SPESP1: variants seen among roughly 807,000 people sequenced by gnomAD.
The protein encoded by SPESP1 is sperm equatorial segment protein 1.
A neutral mutation model predicts 3.1 loss-of-function variants in SPESP1; 1 was observed. That is an observed-to-expected ratio of 0.33 (90% CI 0.12 to 1.54). SPESP1 has a LOEUF of 1.54. Among genes scored for constraint, SPESP1 ranks in the 40% most tolerant of loss-of-function variants. SPESP1 has a pLI of 0.38. For synonymous variants in SPESP1, 138 were observed against 150.7 expected (o/e 0.92, Z 0.62); for missense variants, 398 against 410.1 (o/e 0.97, Z 0.26).
At chr15:68,938,915 TC>T (rs1235082271) in intron 1 of SPESP1, among the ~76,000 whole-genome samples, 2 of 150,168 alleles carry the variant, frequency 1.3e-5, no homozygotes, top group African/African-American at 5.1e-5. Flanking sequence ...CACATAGTGA[TC>T]ATTCAATCAG....
Position 68,946,419 on chromosome 15 carries a change from C to A in SPESP1, c.885C>A (p.Asp295Glu). 6.2e-7 allele frequency: 1 copy of A among 1,613,994 alleles called. No individual in the cohort carries two copies. Among genetic ancestry groups the A allele is most frequent in the Non-Finnish European group, 8.5e-7 (1 of 1,179,978 alleles). ...PVGRTSNKID[D>E]IETVINMLCN... ...GACGAACAAGTAATAAAATTGATGA[C>A]ATCGAAACTGTTATTAACATGCTGT... The change falls in exon 2 of 2, where the codon GAC becomes GAA. Residue 295 changes from aspartate to glutamate, a missense_variant. Physicochemically the swap from Asp to Glu is conservative, Grantham distance 45. Transcript: ENST00000310673.
chr15:68,931,250 C>T (rs1247884432), intron 1 of SPESP1, among the ~76,000 whole-genome samples: 10 of 133,610 alleles, frequency 7.5e-5, no homozygotes, highest in Admixed American at 4.6e-4. Flanking sequence ...CCCCACCCCA[C>T]GGCAGGCCCT....
chr15:68,937,647 G>C (rs989399012), intron 1 of SPESP1, among the ~76,000 whole-genome samples: 2 of 152,110 alleles, frequency 1.3e-5, no homozygotes, highest in African/African-American at 4.8e-5. Flanking sequence ...GGTGGTGTGT[G>C]TTCTCCAGGG....
chr15:68,942,996 TA>T (rs1466154552), intron 1 of SPESP1, among the ~76,000 whole-genome samples: 1 of 152,036 alleles, frequency 6.6e-6, no homozygotes, highest in South Asian at 2.1e-4. Context: ...GGTTTGCCAT[TA>T]AAAAATAAAG....
At chr15:68,942,169 C>CTTTTTTTTTTTTTTTTTT (rs778249415) in intron 1 of SPESP1, among the ~76,000 whole-genome samples, 11 of 142,866 alleles carry the variant, frequency 7.7e-5, no homozygotes, top group African/African-American at 2.4e-4. Context: ...CATCTTATTT[C>CTTTTTTTTTTTTTTTTTT]TTTTTTTTTT....
chr15:68,944,103 A>C (rs59898332), intron 1 of SPESP1, among the ~76,000 whole-genome samples: 2 of 152,288 alleles, frequency 1.3e-5, no homozygotes, highest in African/African-American at 4.8e-5. Context: ...TCCCTGAATT[A>C]AATCAATTTG....
intron 1 of SPESP1, among the ~76,000 whole-genome samples, chr15:68,944,327 T>G (rs1895904029): frequency 6.8e-6 from 1 of 147,510 alleles, no homozygotes; most frequent in South Asian, 2.1e-4. Context: ...TTTTTTTTTT[T>G]GCTTATCAAA....
At chr15:68,932,718 T>C (rs1401931967) in intron 1 of SPESP1, among the ~76,000 whole-genome samples, 1 of 152,134 alleles carries the variant, frequency 6.6e-6, no homozygotes, top group Non-Finnish European at 1.5e-5. Flanking sequence ...TAGCACCCTA[T>C]TCCCTAATCT....
At chr15:68,943,855 T>C (rs1895891621) in intron 1 of SPESP1, among the ~76,000 whole-genome samples, 1 of 152,172 alleles carries the variant, frequency 6.6e-6, no homozygotes, top group Admixed American at 6.6e-5. Flanking sequence ...AAAAGAATTT[T>C]TTAAGATTTA....
At chr15:68,938,083 C>T (rs944817517) in intron 1 of SPESP1, among the ~76,000 whole-genome samples, 1 of 152,094 alleles carries the variant, frequency 6.6e-6, no homozygotes, top group East Asian at 1.9e-4. Context: ...TGGGTTCAAG[C>T]GATTCTCCTG....
intron 1 of SPESP1, among the ~76,000 whole-genome samples, chr15:68,942,384 T>C (rs1462983856): frequency 6.6e-6 from 1 of 152,118 alleles, no homozygotes; most frequent in Non-Finnish European, 1.5e-5. Flanking sequence ...GTAAACATAG[T>C]TTTACCTCTT....
intron 1 of SPESP1, among the ~76,000 whole-genome samples, chr15:68,933,978 A>C (rs934732901): frequency 2.0e-5 from 3 of 152,068 alleles, no homozygotes; most frequent in Non-Finnish European, 2.9e-5. Context: ...AAGTCATCAA[A>C]TATTCATGGG....
Position 68,946,068 on chromosome 15 carries a change from G to A in SPESP1, c.534G>A (p.Lys178=). The A allele has an allele frequency of 6.2e-7, 1 of 1,614,124 alleles. No individual in the cohort carries two copies. Among genetic ancestry groups the A allele is most frequent in the Non-Finnish European group, 8.5e-7 (1 of 1,180,018 alleles). Residue 178 remains lysine, a synonymous_variant, in exon 2 of 2, where the codon AAG becomes AAA. Coordinates refer to ENST00000310673, the MANE Select transcript of SPESP1 (RefSeq NM_145658.4). Reference sequence around the variant, plus strand: ...CAAGTCCATATGTTACCTCATACAAGTCACCTGTCACCACTTTAGATAAGA... The same window carrying A: ...CAAGTCCATATGTTACCTCATACAAATCACCTGTCACCACTTTAGATAAGA... ...SSTSPYVTSY[K]SPVTTLDKST... is the part of the protein sequence containing the mutation.
At chr15:68,936,376 G>A (rs1216737270) in intron 1 of SPESP1, among the ~76,000 whole-genome samples, 1 of 152,130 alleles carries the variant, frequency 6.6e-6, no homozygotes, top group African/African-American at 2.4e-5. Flanking sequence ...ATATTATTTG[G>A]CCATAAAAAT....
chr15:68,946,634 C>A lies in SPESP1; in HGVS notation c.*47C>A. 1 of 1,361,898 alleles carries A rather than the reference C, an allele frequency of 7.3e-7. No individual in the cohort carries two copies. The highest frequency in any genetic ancestry group is 3.2e-5 in the Admixed American group (1 of 30,906). 84.4% of individuals were successfully genotyped at this position (1,361,898 alleles called of 1,614,324 possible). ...ACCTACTTGATATTCCATAACAAAG[C>A]TGATTTAAGCAAACTGCATTTTTTC... On this transcript the variant is annotated 3_prime_UTR_variant, in exon 2 of 2. Coordinates refer to ENST00000310673, the MANE Select transcript of SPESP1 (RefSeq NM_145658.4).
At chr15:68,935,694 T>G (rs1895664923) in intron 1 of SPESP1, among the ~76,000 whole-genome samples, 5 of 152,268 alleles carry the variant, frequency 3.3e-5, no homozygotes, top group Admixed American at 2.6e-4. Flanking sequence ...TTTCTTTAAC[T>G]GGAACACTTG....
At chr15:68,933,616 T>C (rs2140417818) in intron 1 of SPESP1, among the ~76,000 whole-genome samples, 1 of 151,422 alleles carries the variant, frequency 6.6e-6, no homozygotes, top group Admixed American at 6.6e-5. Context: ...CCCAGCACTT[T>C]GGGAGGCTGA....
In SPESP1 at chr15:68,946,085, T is replaced by C. The variant is rs150235487; in HGVS notation, c.551T>C (p.Leu184Ser). The change falls in exon 2 of 2, where the codon TTA becomes TCA. Residue 184 changes from leucine to serine, a missense_variant. Coordinates refer to ENST00000310673, the MANE Select transcript of SPESP1 (RefSeq NM_145658.4). ...VTSYKSPVTT[L>S]DKSTGIGIST... ...TCATACAAGTCACCTGTCACCACTT[T>C]AGATAAGAGCACTGGCATTGGGATC... 6.2e-7 allele frequency: 1 copy of C among 1,614,186 alleles called. No individual in the cohort carries two copies. The highest frequency in any genetic ancestry group is 1.3e-5 in the African/African-American group (1 of 75,052).
chr15:68,939,209 A>G (rs1447607829), intron 1 of SPESP1, among the ~76,000 whole-genome samples: 1 of 152,174 alleles, frequency 6.6e-6, no homozygotes, highest in East Asian at 1.9e-4. Context: ...TCCCAAGCTG[A>G]AGATTCTTAC....
Sources: allele counts gnomAD v4.1 joint callset (sites outside exome capture counted in the v4.1 genomes callset), GRCh38; gene constraint gnomAD v4.1.1; transcripts MANE v1.5; gene names NCBI Gene and HGNC (gene_info 2026-07-23, HGNC 2026-07-21).